Variants in NIBAN1 observed in about 807,000 individuals in gnomAD.
NIBAN1 encodes protein Niban 1.
A neutral mutation model predicts 75.1 loss-of-function variants in NIBAN1; 81 were observed. The observed-to-expected ratio is 1.08, with a 90% CI of 0.90 to 1.30. The LOEUF is 1.30. Ranked by LOEUF, NIBAN1 falls within the 50% of genes most tolerant of loss-of-function variation. The probability of loss-of-function intolerance (pLI) is 0.00; values close to 1 mark genes in which losing one functional copy is unlikely to be tolerated. For missense variants in NIBAN1, 1,133 were observed against 1,128.1 expected (o/e 1.00, Z -0.06); for synonymous variants, 436 against 424.8 (o/e 1.03, Z -0.32).
chr1:184,855,051 T>C (rs1005477093), intron 5 of NIBAN1, among the ~76,000 whole-genome samples: 1 of 152,226 alleles, frequency 6.6e-6, no homozygotes, highest in Admixed American at 6.5e-5. Context: ...TCTTGGGCAT[T>C]CATAGATCCT....
At chr1:184,807,339 C>A (rs1229748237) in intron 10 of NIBAN1, among the ~76,000 whole-genome samples, 9 of 150,754 alleles carry the variant, frequency 6.0e-5, no homozygotes, top group Non-Finnish European at 1.3e-4. Flanking sequence ...AAAAAAGAAA[C>A]CTGTCAAGTA....
intron 1 of NIBAN1, among the ~76,000 whole-genome samples, chr1:184,911,821 T>C (rs867612169): frequency 1.3e-5 from 2 of 152,212 alleles, no homozygotes; most frequent in African/African-American, 4.8e-5. Context: ...ATGTTTTCTT[T>C]AGTTATGAAA....
chr1:184,839,645 G>C (rs1461778384), intron 5 of NIBAN1, among the ~76,000 whole-genome samples: 4 of 151,784 alleles, frequency 2.6e-5, no homozygotes, highest in African/African-American at 9.7e-5. Context: ...GCCCAGGCTG[G>C]AGTGCAATGG....
intron 11 of NIBAN1, among the ~76,000 whole-genome samples, chr1:184,804,913 C>T (rs760622883): frequency 4.6e-5 from 7 of 151,948 alleles, no homozygotes; most frequent in African/African-American, 7.3e-5. Flanking sequence ...CTCAGCCTCC[C>T]GAGTAGCTAG....
At chr1:184,915,931 T>C (rs1448335482) in intron 1 of NIBAN1, among the ~76,000 whole-genome samples, 6 of 152,196 alleles carry the variant, frequency 3.9e-5, no homozygotes, top group Non-Finnish European at 5.9e-5. Context: ...TTCCTGAATA[T>C]GCTGTTGTTT....
intron 9 of NIBAN1, among the ~76,000 whole-genome samples, chr1:184,817,208 CCTT>C (rs1654562694): frequency 6.6e-6 from 1 of 152,210 alleles, no homozygotes; most frequent in East Asian, 1.9e-4. Flanking sequence ...ATGAACTCAT[CCTT>C]TTTTATGGCT....
rs531500209 is a variant in NIBAN1 at position 184,797,735 on chromosome 1, G to C, written c.1666+344C>G. On this transcript the variant is annotated intron_variant, in intron 13 of 13. Transcript: ENST00000367511. ...CCCTTTGTTCTGTCTGGAATAGCAA[G>C]AGGAAGACAGCTCTTCATGAGAGAC... Among the ~76,000 whole-genome samples the C allele has an allele frequency of 2.6e-5, 4 of 152,302 alleles. No homozygotes were observed. In the South Asian group the frequency reaches 8.3e-4, roughly 32 times the overall value.
At chr1:184,930,997 C>CTTTTTTCTTTTCT (rs1553229154) in intron 1 of NIBAN1, among the ~76,000 whole-genome samples, 64 of 114,520 alleles carry the variant, frequency 5.6e-4, no homozygotes, top group African/African-American at 2.7e-3. Flanking sequence ...TTTTCTTCTT[C>CTTTTTTCTTTTCT]TTTTTTTTTT....
intron 1 of NIBAN1, among the ~76,000 whole-genome samples, chr1:184,961,827 G>A (rs1658659117): frequency 6.6e-6 from 1 of 152,216 alleles, no homozygotes; most frequent in African/African-American, 2.4e-5. Flanking sequence ...CTTATAAGGA[G>A]ACTCAAAGAA....
intron 1 of NIBAN1, 100 bp from the exon 2 acceptor site, chr1:184,899,409 C>T: frequency 6.6e-6 from 8 of 1,210,910 alleles, no homozygotes; most frequent in Non-Finnish European, 9.3e-6. Flanking sequence ...TGTTTCTATC[C>T]CTCCAGTCAC....
rs1653727097 is a variant in NIBAN1, at chr1:184,792,545, G to C, written c.*2432C>G. ...CAGGGAGTCGGGCAGCCTTTGTGGG[G>C]CTGGGCACTGCCTCTTTGGCTTCCT... On this transcript the variant is annotated 3_prime_UTR_variant, in exon 14 of 14. Coordinates refer to ENST00000367511, the MANE Select transcript of NIBAN1 (RefSeq NM_052966.4). The C allele has an allele frequency of 6.5e-6, 1 of 152,730 alleles. No individual in the cohort carries two copies. The highest frequency in any genetic ancestry group is 2.4e-5 in the African/African-American group (1 of 41,480). 9.5% of individuals were successfully genotyped at this position (152,730 alleles called of 1,614,324 possible).
intron 5 of NIBAN1, chr1:184,867,920 G>A (rs888496066): frequency 7.1e-6 from 7 of 985,294 alleles, no homozygotes; most frequent in African/African-American, 1.7e-5. Context: ...AAAGTGTCCC[G>A]TGTCACACAA....
chr1:184,832,084 GAC>G, intron 5 of NIBAN1, 122 bp from the exon 6 acceptor site: 1 of 707,744 alleles, frequency 1.4e-6, no homozygotes. Flanking sequence ...GGGATTATAA[GAC>G]ACAGAGAAAG....
chr1:184,927,790 G>A (rs889750939), intron 1 of NIBAN1, among the ~76,000 whole-genome samples: 5 of 152,068 alleles, frequency 3.3e-5, no homozygotes, highest in Non-Finnish European at 7.3e-5. Context: ...CCATCCTGGA[G>A]CCAGGACCTA....
chr1:184,844,353 A>G (rs1655378175), intron 5 of NIBAN1, among the ~76,000 whole-genome samples: 1 of 152,200 alleles, frequency 6.6e-6, no homozygotes, highest in South Asian at 2.1e-4. Context: ...ACACCTACAG[A>G]GTGTAGCACT....
At chr1:184,804,055 T>C (rs1654121149) in intron 11 of NIBAN1, among the ~76,000 whole-genome samples, 3 of 152,150 alleles carry the variant, frequency 2.0e-5, no homozygotes, top group Non-Finnish European at 4.4e-5. Flanking sequence ...CTCCACATCT[T>C]CAAACCAGGG....
intron 5 of NIBAN1, among the ~76,000 whole-genome samples, chr1:184,881,101 G>GCACACA (rs375874645): frequency 3.7e-4 from 55 of 147,398 alleles, no homozygotes; most frequent in African/African-American, 1.1e-3. Context: ...ATGTGAGCAT[G>GCACACA]CACACACACA....
chr1:184,901,176 G>A (rs747122858), intron 1 of NIBAN1, among the ~76,000 whole-genome samples: 4 of 152,134 alleles, frequency 2.6e-5, no homozygotes, highest in Non-Finnish European at 5.9e-5. Context: ...TACTATAAAT[G>A]AGGTAAAGAG....
At chr1:184,816,176 G>C (rs1328424970) in intron 9 of NIBAN1, among the ~76,000 whole-genome samples, 1 of 152,064 alleles carries the variant, frequency 6.6e-6, no homozygotes, top group Non-Finnish European at 1.5e-5. Flanking sequence ...TTGGTTTATG[G>C]GGACCCTGGG....
Sources: allele counts gnomAD v4.1 joint callset (sites outside exome capture counted in the v4.1 genomes callset), GRCh38; gene constraint gnomAD v4.1.1; transcripts MANE v1.5; gene names NCBI Gene and HGNC (gene_info 2026-07-23, HGNC 2026-07-21).